Variants in ACTRT2 observed in about 807,000 individuals in gnomAD.
The protein encoded by ACTRT2 is actin-related protein T2.
In ACTRT2, 1 loss-of-function variant was observed where a neutral mutation model predicts 1.2. That is an observed-to-expected ratio of 0.80 (90% CI 0.29 to 3.81). The LOEUF (loss-of-function observed/expected upper bound fraction) is 3.81, where lower values mean the gene tolerates loss of function less well. Ranked by LOEUF, ACTRT2 falls within the 30% of genes most tolerant of loss-of-function variation. ACTRT2 has a pLI of 0.18. For synonymous variants in ACTRT2, 262 were observed against 228.9 expected (o/e 1.14, Z -1.30); for missense variants, 488 against 497.9 (o/e 0.98, Z 0.19).
Position 3,022,704 on chromosome 1 carries a change from T to C in ACTRT2, c.1018T>C (p.Ser340Pro). Reference protein sequence around the residue: ...KITAPPDRWFSTWIGASIVTS... With the variant: ...KITAPPDRWFPTWIGASIVTS... ...CACGGCTCCCCCCGACCGGTGGTTC[T>C]CCACCTGGATTGGAGCCTCCATCGT... The change falls in exon 1 of 1, where the codon TCC becomes CCC. Residue 340 changes from serine (S) to proline (P), a missense_variant. Coordinates refer to ENST00000378404, the MANE Select transcript of ACTRT2 (RefSeq NM_080431.5). The surrounding 1 kb of genome is among the most constrained non-coding windows in gnomAD (Gnocchi z 7.7). The C allele has an allele frequency of 6.2e-7, 1 of 1,613,392 alleles. No homozygotes were observed. The highest frequency in any genetic ancestry group is 8.5e-7 in the Non-Finnish European group (1 of 1,180,026).
Position 3,022,147 on chromosome 1 carries a change from G to A in ACTRT2, c.461G>A (p.Gly154Asp), listed in dbSNP as rs763074078. The change falls in exon 1 of 1, where the codon GGC (glycine) becomes GAC (aspartate). Residue 154 changes from glycine to aspartate, a missense_variant. Physicochemically the swap from Gly to Asp is moderately conservative, Grantham distance 94. Transcript: ENST00000378404. The surrounding 1 kb of genome is among the most constrained non-coding windows in gnomAD (Gnocchi z 7.7). The part of the protein sequence containing the change: ...LALYASACVT[G>D]LVVDSGDAVT... The stretch of plus-strand genomic sequence containing the variant: ...CTCTACGCCTCTGCCTGTGTCACGG[G>A]CCTGGTGGTGGACAGCGGGGATGCG... 2 of 1,613,196 alleles carry A rather than the reference G, an allele frequency of 1.2e-6. No individual in the cohort carries two copies. Among genetic ancestry groups the A allele is most frequent in the African/African-American group, 1.3e-5 (1 of 75,046 alleles).
chr1:3,022,301 C>T lies in ACTRT2; in HGVS notation c.615C>T (p.Pro205=), dbSNP rs1474424699. Residue 205 remains proline, a synonymous_variant, in exon 1 of 1, where the codon CCC becomes CCT. Transcript: ENST00000378404. This position sits in a 1 kb window ranked among gnomAD's most constrained non-coding sequence, Gnocchi z 7.7. ...QLLLASGHTF[P]CQLDKGLVDD... ...TCCTGGCCAGCGGCCACACCTTCCC[C>T]TGCCAGCTGGACAAGGGTCTCGTGG... 1 of 1,612,708 alleles carries T rather than the reference C, an allele frequency of 6.2e-7. No individual in the cohort carries two copies. Among genetic ancestry groups the T allele is most frequent in the Admixed American group, 1.7e-5 (1 of 60,006 alleles).
At position 3,022,410 on chromosome 1, in the gene ACTRT2, T is replaced by G; in HGVS notation, c.724T>G (p.Tyr242Asp). 2 of 1,612,360 alleles carry G rather than the reference T, an allele frequency of 1.2e-6. No individual in the cohort carries two copies. Among genetic ancestry groups the G allele is most frequent in the Non-Finnish European group, 1.7e-6 (2 of 1,179,906 alleles). Residue 242 changes from tyrosine to aspartate, a missense_variant, in exon 1 of 1, where the codon TAC (tyrosine) becomes GAC (aspartate). Transcript: ENST00000378404. This position sits in a 1 kb window ranked among gnomAD's most constrained non-coding sequence, Gnocchi z 7.7. ...GAGGCCGGAGGAGGTCCTGAGGGAG[T>G]ACAAGCTGCCCGACGGGAACATCAT... ...SRRPEEVLRE[Y>D]KLPDGNIISL...
In ACTRT2 at chr1:3,022,712, G is replaced by T. The variant is rs369911854; in HGVS notation, c.1026G>T (p.Trp342Cys). Residue 342 changes from tryptophan to cysteine, a missense_variant, in exon 1 of 1, where the codon TGG becomes TGT. Trp to Cys is a radical substitution (Grantham distance 215). Coordinates refer to ENST00000378404, the MANE Select transcript of ACTRT2 (RefSeq NM_080431.5). This position sits in a 1 kb window ranked among gnomAD's most constrained non-coding sequence, Gnocchi z 7.7. ...TAPPDRWFSTWIGASIVTSLS... is the reference protein window; with the variant it reads ...TAPPDRWFSTCIGASIVTSLS... ...CCCCCGACCGGTGGTTCTCCACCTG[G>T]ATTGGAGCCTCCATCGTCACCTCTC... 8.1e-5 allele frequency: 131 copies of T among 1,613,310 alleles called. No individual in the cohort carries two copies. Among genetic ancestry groups the T allele is most frequent in the Non-Finnish European group, 1.1e-4 (125 of 1,180,014 alleles).
chr1:3,022,666 C>G lies in ACTRT2; in HGVS notation c.980C>G (p.Thr327Ser). 1 of 1,613,356 alleles carries G rather than the reference C, an allele frequency of 6.2e-7. No homozygotes were observed. Among genetic ancestry groups the G allele is most frequent in the Non-Finnish European group, 8.5e-7 (1 of 1,180,028 alleles). Residue 327 changes from threonine (T) to serine (S), a missense_variant, in exon 1 of 1, where the codon ACC (threonine) becomes AGC (serine). Transcript: ENST00000378404. The surrounding 1 kb of genome is among the most constrained non-coding windows in gnomAD (Gnocchi z 7.7). The stretch of plus-strand genomic sequence containing the variant: ...CTGGAGCAGCTGGCCTCCAAGGACA[C>G]CCCCATCAAGATCACGGCTCCCCCC... ...KELEQLASKD[T>S]PIKITAPPDR...
At position 3,022,482 on chromosome 1, in the gene ACTRT2, C is replaced by A; in HGVS notation, c.796C>A (p.Pro266Thr). The change falls in exon 1 of 1, where the codon CCC (proline) becomes ACC (threonine). Residue 266 changes from proline (P) to threonine (T), a missense_variant. Physicochemically the swap from Pro to Thr is conservative, Grantham distance 38. Transcript: ENST00000378404. The surrounding 1 kb of genome is among the most constrained non-coding windows in gnomAD (Gnocchi z 7.7). The part of the protein sequence containing the change: ...LHQAPEALFV[P>T]QQLGSQSPGL... ...CCAGGCGCCCGAGGCCCTGTTCGTG[C>A]CCCAGCAGCTGGGCAGCCAGAGCCC... 1.2e-6 allele frequency: 2 copies of A among 1,612,894 alleles called. No individual in the cohort carries two copies. Among genetic ancestry groups the A allele is most frequent in the Non-Finnish European group, 1.7e-6 (2 of 1,180,018 alleles).
chr1:3,022,424 C>T lies in ACTRT2; in HGVS notation c.738C>T (p.Asp246=), dbSNP rs767066846. ...TCCTGAGGGAGTACAAGCTGCCCGACGGGAACATCATCAGCCTCGGGGACC... is the reference window on the plus strand; with the variant it reads ...TCCTGAGGGAGTACAAGCTGCCCGATGGGAACATCATCAGCCTCGGGGACC... The part of the protein sequence containing the change: ...EEVLREYKLP[D]GNIISLGDPL... Residue 246 remains aspartate, a synonymous_variant, in exon 1 of 1, where the codon GAC becomes GAT. Coordinates refer to ENST00000378404, the MANE Select transcript of ACTRT2 (RefSeq NM_080431.5). This position sits in a 1 kb window ranked among gnomAD's most constrained non-coding sequence, Gnocchi z 7.7. 1.7e-5 allele frequency: 27 copies of T among 1,612,780 alleles called. No individual in the cohort carries two copies. Among genetic ancestry groups the T allele is most frequent in the African/African-American group, 2.7e-5 (2 of 74,930 alleles).
Position 3,021,684 on chromosome 1 carries a change from G to C in ACTRT2, c.-3G>C. On this transcript the variant is annotated 5_prime_UTR_variant, in exon 1 of 1. Transcript: ENST00000378404. ...ATGAGGCTGAGAAGGGAAGGCTGCGGGCATGTTTAATCCGCACGCTTTAGA... is the reference window on the plus strand; with the variant it reads ...ATGAGGCTGAGAAGGGAAGGCTGCGCGCATGTTTAATCCGCACGCTTTAGA... The C allele has an allele frequency of 6.2e-7, 1 of 1,607,404 alleles. No individual in the cohort carries two copies. Among genetic ancestry groups the C allele is most frequent in the Non-Finnish European group, 8.5e-7 (1 of 1,176,158 alleles).
chr1:3,022,255 C>T lies in ACTRT2; in HGVS notation c.569C>T (p.Thr190Met), dbSNP rs774532554. 24 of 1,612,902 alleles carry T rather than the reference C, an allele frequency of 1.5e-5. No individual in the cohort carries two copies. Among genetic ancestry groups the T allele is most frequent in the Middle Eastern group, 3.3e-4 (2 of 6,062 alleles). Residue 190 changes from threonine to methionine, a missense_variant, in exon 1 of 1, where the codon ACG becomes ATG. Thr to Met is a moderately conservative substitution (Grantham distance 81, BLOSUM62 -1). Coordinates refer to ENST00000378404, the MANE Select transcript of ACTRT2 (RefSeq NM_080431.5). The surrounding 1 kb of genome is among the most constrained non-coding windows in gnomAD (Gnocchi z 7.7). Reference sequence around the variant, plus strand: ...CTCCACGTGGCGGGCAGGGACATCACGGAGCTCCTCATGCAGCTGCTCCTG... The same window carrying T: ...CTCCACGTGGCGGGCAGGGACATCATGGAGCTCCTCATGCAGCTGCTCCTG... Reference protein sequence around the residue: ...TKLHVAGRDITELLMQLLLAS... With the variant: ...TKLHVAGRDIMELLMQLLLAS...
Position 3,022,634 on chromosome 1 carries a change from C to T in ACTRT2, c.948C>T (p.Leu316=). ...TLFHGLDDRL[L]KELEQLASKD... ...TCCACGGGCTGGATGACCGGCTTCT[C>T]AAGGAGCTGGAGCAGCTGGCCTCCA... Residue 316 remains leucine (L), a synonymous_variant, in exon 1 of 1, where the codon CTC becomes CTT. Coordinates refer to ENST00000378404, the MANE Select transcript of ACTRT2 (RefSeq NM_080431.5). The surrounding 1 kb of genome is among the most constrained non-coding windows in gnomAD (Gnocchi z 7.7). The T allele has an allele frequency of 6.2e-7, 1 of 1,613,156 alleles. No individual in the cohort carries two copies. The highest frequency in any genetic ancestry group is 8.5e-7 in the Non-Finnish European group (1 of 1,180,028).
rs1020171023 is a variant in ACTRT2 at position 3,021,929 on chromosome 1, A to G, written c.243A>G (p.Thr81=). ...CCCCTTTCGAGCGTGGCCTGATCAC[A>G]GGGTGGGATGACGTGGAGAGACTCT... ...LHSPFERGLI[T]GWDDVERLWK... Residue 81 remains threonine (T), a synonymous_variant, in exon 1 of 1, where the codon ACA becomes ACG. Coordinates refer to ENST00000378404, the MANE Select transcript of ACTRT2 (RefSeq NM_080431.5). 6.8e-6 allele frequency: 11 copies of G among 1,613,418 alleles called. No individual in the cohort carries two copies. The African/African-American group carries it at 8.0e-5, about 12-fold the overall frequency.
Position 3,021,531 on chromosome 1 carries a change from C to T in ACTRT2, c.-156C>T, listed in dbSNP as rs544000116. The T allele has an allele frequency of 2.5e-5, 26 of 1,051,326 alleles. No individual in the cohort carries two copies. The highest frequency in any genetic ancestry group is 3.2e-5 in the African/African-American group (2 of 62,330). The allele number at this position is 1,051,326 out of a possible 1,614,324, so 65.1% of individuals were successfully genotyped here. ...GCCACCTGGAGGGAGAGCAGACCTG[C>T]GGCTGAGGATGCAGGGCTCCCGGGC... On this transcript the variant is annotated 5_prime_UTR_variant, in exon 1 of 1. Transcript: ENST00000378404.
In ACTRT2 at chr1:3,021,469, C is replaced by G. The variant is rs756587208; in HGVS notation, c.-218C>G. 4.4e-5 allele frequency: 25 copies of G among 571,056 alleles called. No individual in the cohort carries two copies. Among genetic ancestry groups the G allele is most frequent in the Non-Finnish European group, 6.9e-5 (23 of 332,832 alleles). The allele number at this position is 571,056 out of a possible 1,614,324, so 35.4% of individuals were successfully genotyped here. ...GGCTAGATTGTTACCTAGGAGACAA[C>G]CCCCTGGCCCCCTGGAAGAGGCCTC... On this transcript the variant is annotated 5_prime_UTR_variant, in exon 1 of 1. Transcript: ENST00000378404.
In ACTRT2 at chr1:3,022,291, A is replaced by G. The variant is rs759983396; in HGVS notation, c.605A>G (p.His202Arg). Residue 202 changes from histidine to arginine, a missense_variant, in exon 1 of 1, where the codon CAC (histidine) becomes CGC (arginine). Transcript: ENST00000378404. This position sits in a 1 kb window ranked among gnomAD's most constrained non-coding sequence, Gnocchi z 7.7. ...ATGCAGCTGCTCCTGGCCAGCGGCC[A>G]CACCTTCCCCTGCCAGCTGGACAAG... ...LLMQLLLASG[H>R]TFPCQLDKGL... 1 of 1,612,662 alleles carries G rather than the reference A, an allele frequency of 6.2e-7. No individual in the cohort carries two copies. Among genetic ancestry groups the G allele is most frequent in the African/African-American group, 1.3e-5 (1 of 75,038 alleles).
rs767066846 is a variant in ACTRT2 at position 3,022,424 on chromosome 1, C to A, written c.738C>A (p.Asp246Glu). The change falls in exon 1 of 1, where the codon GAC becomes GAA. Residue 246 changes from aspartate (D) to glutamate (E), a missense_variant. Physicochemically the swap from Asp to Glu is conservative, Grantham distance 45. Coordinates refer to ENST00000378404, the MANE Select transcript of ACTRT2 (RefSeq NM_080431.5). The surrounding 1 kb of genome is among the most constrained non-coding windows in gnomAD (Gnocchi z 7.7). ...EEVLREYKLP[D>E]GNIISLGDPL... ...TCCTGAGGGAGTACAAGCTGCCCGA[C>A]GGGAACATCATCAGCCTCGGGGACC... 2 of 1,612,898 alleles carry A rather than the reference C, an allele frequency of 1.2e-6. No individual in the cohort carries two copies. The highest frequency in any genetic ancestry group is 1.7e-5 in the Admixed American group (1 of 60,022).
Position 3,021,932 on chromosome 1 carries a change from G to C in ACTRT2, c.246G>C (p.Gly82=). The C allele has an allele frequency of 6.2e-7, 1 of 1,613,624 alleles. No homozygotes were observed. The highest frequency in any genetic ancestry group is 1.1e-5 in the South Asian group (1 of 91,080). Residue 82 remains glycine (G), a synonymous_variant, in exon 1 of 1, where the codon GGG becomes GGC. Transcript: ENST00000378404. ...HSPFERGLIT[G]WDDVERLWKH... is the part of the protein sequence containing the mutation. ...CTTTCGAGCGTGGCCTGATCACAGG[G>C]TGGGATGACGTGGAGAGACTCTGGA... is the stretch of plus-strand genomic sequence containing the variant.
chr1:3,022,069 T>G lies in ACTRT2; in HGVS notation c.383T>G (p.Phe128Cys), dbSNP rs765394395. The G allele has an allele frequency of 6.2e-7, 1 of 1,613,372 alleles. No individual in the cohort carries two copies. Among genetic ancestry groups the G allele is most frequent in the African/African-American group, 1.3e-5 (1 of 74,930 alleles). The change falls in exon 1 of 1, where the codon TTC becomes TGC. Residue 128 changes from phenylalanine (F) to cysteine (C), a missense_variant. Physicochemically the swap from Phe to Cys is radical, Grantham distance 205. Coordinates refer to ENST00000378404, the MANE Select transcript of ACTRT2 (RefSeq NM_080431.5). The surrounding 1 kb of genome is among the most constrained non-coding windows in gnomAD (Gnocchi z 7.7). The part of the protein sequence containing the change: ...ENREKMAEVM[F>C]ENFGVPAFYL... ...CGTGAGAAGATGGCAGAAGTCATGT[T>G]CGAGAACTTCGGCGTGCCCGCTTTC...
Position 3,022,058 on chromosome 1 carries a change from A to G in ACTRT2, c.372A>G (p.Ala124=). The change falls in exon 1 of 1, where the codon GCA becomes GCG. Residue 124 remains alanine, a synonymous_variant. Transcript: ENST00000378404. This position sits in a 1 kb window ranked among gnomAD's most constrained non-coding sequence, Gnocchi z 7.7. ...LNPRENREKM[A]EVMFENFGVP... is the part of the protein sequence containing the mutation. ...CCAGGGAGAACCGTGAGAAGATGGCAGAAGTCATGTTCGAGAACTTCGGCG... is the reference window on the plus strand; with the variant it reads ...CCAGGGAGAACCGTGAGAAGATGGCGGAAGTCATGTTCGAGAACTTCGGCG... 1 of 1,613,574 alleles carries G rather than the reference A, an allele frequency of 6.2e-7. No homozygotes were observed. The highest frequency in any genetic ancestry group is 8.5e-7 in the Non-Finnish European group (1 of 1,180,034).
At position 3,022,694 on chromosome 1, in the gene ACTRT2, C is replaced by T; in HGVS notation, c.1008C>T (p.Asp336=). 3 of 1,613,402 alleles carry T rather than the reference C, an allele frequency of 1.9e-6. No homozygotes were observed. The highest frequency in any genetic ancestry group is 2.5e-6 in the Non-Finnish European group (3 of 1,180,036). ...DTPIKITAPP[D]RWFSTWIGAS... ...CCATCAAGATCACGGCTCCCCCCGA[C>T]CGGTGGTTCTCCACCTGGATTGGAG... The change falls in exon 1 of 1, where the codon GAC becomes GAT. Residue 336 remains aspartate, a synonymous_variant. Coordinates refer to ENST00000378404, the MANE Select transcript of ACTRT2 (RefSeq NM_080431.5). This position sits in a 1 kb window ranked among gnomAD's most constrained non-coding sequence, Gnocchi z 7.7.
Sources: allele counts gnomAD v4.1 joint callset, GRCh38; gene constraint gnomAD v4.1.1; non-coding constraint Gnocchi (gnomAD v3.1); transcripts MANE v1.5; gene names NCBI Gene and HGNC (gene_info 2026-07-23, HGNC 2026-07-21).